Variants in GIGYF2 observed in about 807,000 individuals in gnomAD.
GIGYF2 encodes GRB10 interacting GYF protein 2.
A neutral mutation model predicts 208.1 loss-of-function variants in GIGYF2; 25 were observed. The ratio of observed to expected loss-of-function variants is 0.12; its 90% confidence interval spans 0.09 to 0.17. The LOEUF is 0.17. Among genes scored for constraint, GIGYF2 ranks in the 10% least tolerant of loss-of-function variants. The probability of loss-of-function intolerance (pLI) is 1.00; values close to 1 mark genes in which losing one functional copy is unlikely to be tolerated. For missense variants in GIGYF2, 1,302 were observed against 1,579.4 expected (o/e 0.82, Z 2.98); for synonymous variants, 534 against 543.8 (o/e 0.98, Z 0.25).
rs762484207 is a variant in GIGYF2 at position 232,856,818 on chromosome 2, G to A, written c.3858G>A (p.Glu1286=). ...GATTTTCAGTCAATGCATCATCGGA[G>A]CGACTCAACATGGGTGAAATCGAGA... ...LLGFSVNASS[E]RLNMGEIETL... The change falls in exon 29 of 29, where the codon GAG becomes GAA. Residue 1286 remains glutamate, a synonymous_variant. Transcript: ENST00000373563. 8 of 1,613,504 alleles carry A rather than the reference G, an allele frequency of 5.0e-6. No homozygotes were observed. The highest frequency in any genetic ancestry group is 5.9e-6 in the Non-Finnish European group (7 of 1,179,518).
chr2:232,809,874 T>C (rs1700678160), intron 16 of GIGYF2, 63 bp downstream of exon 16: 3 of 928,134 alleles, frequency 3.2e-6, no homozygotes, highest in Non-Finnish European at 5.4e-6. Context: ...TAGAATCTGC[T>C]CTCAAGTCTC....
chr2:232,817,097 T>A, intron 20 of GIGYF2, 65 bp downstream of exon 20: 1 of 1,201,202 alleles, frequency 8.3e-7, no homozygotes, highest in Non-Finnish European at 1.2e-6. Flanking sequence ...CTGCTTTCTT[T>A]CATCATTTCA....
chr2:232,816,970 C>CGG lies in GIGYF2; in HGVS notation c.2309_2310dup (p.Arg771GlyfsTer35), dbSNP rs1217241299. The stretch of plus-strand genomic sequence containing the variant: ...CCGAAGACAACAGGAGGAAATTCTT[C>CGG]GGCGACAGCAGGAAGAAGAAAGGAA... On this transcript the variant is annotated frameshift_variant, in exon 20 of 29. Coordinates refer to ENST00000373563, the MANE Select transcript of GIGYF2 (RefSeq NM_001103146.3). LOFTEE classifies it high-confidence loss of function. 1 of 1,613,022 alleles carries CGG rather than the reference C, an allele frequency of 6.2e-7. No homozygotes were observed. The highest frequency in any genetic ancestry group is 1.7e-5 in the Admixed American group (1 of 59,998).
intron 27 of GIGYF2, among the ~76,000 whole-genome samples, chr2:232,847,773 A>G (rs1702071214): frequency 6.6e-6 from 1 of 152,202 alleles, no homozygotes; most frequent in South Asian, 2.1e-4. Flanking sequence ...ACAACCATTC[A>G]TTTTACACTA....
At chr2:232,846,311 T>G (rs1256855379) in intron 26 of GIGYF2, among the ~76,000 whole-genome samples, 1 of 152,228 alleles carries the variant, frequency 6.6e-6, no homozygotes, top group Non-Finnish European at 1.5e-5. Context: ...GGAATTGTGA[T>G]AAAGCAAGTA....
chr2:232,709,999 G>T (rs537625175), intron 2 of GIGYF2, among the ~76,000 whole-genome samples: 294 of 151,532 alleles, frequency 1.9e-3, no homozygotes, highest in Admixed American at 4.6e-3. Context: ...TTGCTTTGTC[G>T]CCCAGGCTGG....
intron 18 of GIGYF2, among the ~76,000 whole-genome samples, chr2:232,815,019 T>G (rs1256043967): frequency 1.3e-5 from 2 of 152,236 alleles, no homozygotes; most frequent in East Asian, 3.9e-4. Flanking sequence ...GCAGTGCCCT[T>G]CAGGTTAGCA....
At chr2:232,815,981 A>G (rs1356049573) in intron 19 of GIGYF2, 2 of 485,662 alleles carry the variant, frequency 4.1e-6, no homozygotes, top group African/African-American at 3.9e-5. Context: ...TTATAGACAC[A>G]TATATATTTT....
intron 8 of GIGYF2, chr2:232,765,353 C>T (rs1456752089): frequency 6.6e-6 from 1 of 152,532 alleles, no homozygotes; most frequent in East Asian, 1.9e-4. Context: ...TACGACATCA[C>T]ATTAAGACAG....
intron 15 of GIGYF2, among the ~76,000 whole-genome samples, chr2:232,808,673 G>A (rs1311545186): frequency 1.3e-5 from 2 of 151,948 alleles, no homozygotes; most frequent in Non-Finnish European, 2.9e-5. Context: ...ATATAATAAA[G>A]ATATAAACTC....
rs185275308 is a variant in GIGYF2, at chr2:232,726,301, G to A, written c.-43-8854G>A. On this transcript the variant is annotated intron_variant, in intron 2 of 28. Transcript: ENST00000373563. The stretch of plus-strand genomic sequence containing the variant: ...GAAGACTCGCTTGAACCTGGGAGGC[G>A]GAGGTTGCAGTGAGCCGCTGTCGCA... Among the ~76,000 whole-genome samples the A allele has an allele frequency of 7.9e-5, 12 of 151,352 alleles. No individual in the cohort carries two copies. The East Asian group carries it at 1.2e-3, about 15-fold the overall frequency.
At chr2:232,750,100 G>A (rs1017636370) in intron 5 of GIGYF2, among the ~76,000 whole-genome samples, 30 of 151,814 alleles carry the variant, frequency 2.0e-4, no homozygotes, top group Admixed American at 1.8e-3. Flanking sequence ...CAGGAGAATC[G>A]CTTGAACTCG....
At chr2:232,822,671 C>T (rs553794797) in intron 21 of GIGYF2, among the ~76,000 whole-genome samples, 5 of 152,206 alleles carry the variant, frequency 3.3e-5, no homozygotes, top group African/African-American at 1.2e-4. Flanking sequence ...GGGCAAGACT[C>T]TGTCTCGGAG....
chr2:232,722,695 G>T (rs1228969812), intron 2 of GIGYF2: 1 of 152,166 alleles, frequency 6.6e-6, no homozygotes, highest in African/African-American at 2.4e-5. Context: ...TCTTAGTTTT[G>T]ACAAAGTATT....
chr2:232,818,756 G>A (rs955594800), intron 20 of GIGYF2, among the ~76,000 whole-genome samples: 2 of 151,942 alleles, frequency 1.3e-5, no homozygotes, highest in Non-Finnish European at 2.9e-5. Context: ...CATGTCAAAT[G>A]TGTATCTAAA....
At chr2:232,751,999 A>G (rs6733495) in intron 5 of GIGYF2, among the ~76,000 whole-genome samples, 99,616 of 152,010 alleles carry the variant, frequency 0.66, 32,919 homozygotes, top group South Asian at 0.79. Context: ...TGATAGAAAT[A>G]TTTATCTTAA....
At chr2:232,756,518 T>G (rs1160003243) in intron 6 of GIGYF2, among the ~76,000 whole-genome samples, 184 bp downstream of exon 6, 1 of 152,218 alleles carries the variant, frequency 6.6e-6, no homozygotes, top group Non-Finnish European at 1.5e-5. Flanking sequence ...ATCCCTGATT[T>G]GGAGCAGAAG....
At position 232,752,533 on chromosome 2, in the gene GIGYF2, A is replaced by T. The variant is rs151044073; in HGVS notation, c.267+3451A>T. Among the ~76,000 whole-genome samples, 460 of 152,214 alleles carry T rather than the reference A, an allele frequency of 3.0e-3. 1 individual carries two copies. Among genetic ancestry groups the T allele is most frequent in the African/African-American group, 0.011 (445 of 41,542 alleles). On this transcript the variant is annotated intron_variant, in intron 5 of 28. Coordinates refer to ENST00000373563, the MANE Select transcript of GIGYF2 (RefSeq NM_001103146.3). ...TATTTTATTTATTTGACATCAAAGA[A>T]GTTACTTTATTCATTCTTTTTTTTT...
intron 28 of GIGYF2, among the ~76,000 whole-genome samples, chr2:232,852,050 C>T (rs928966908): frequency 6.6e-6 from 1 of 152,134 alleles, no homozygotes; most frequent in Non-Finnish European, 1.5e-5. Context: ...GAACATGGCA[C>T]AGGCTGAGGG....
Sources: gnomAD v4.1 joint callset for allele counts (sites outside exome capture counted in the v4.1 genomes callset) on GRCh38, gnomAD v4.1.1 for gene constraint, MANE v1.5 for transcripts, NCBI Gene and HGNC (gene_info 2026-07-23, HGNC 2026-07-21) for gene names.